The following TNNI3K variants were observed in gnomAD, a reference collection of about 807,000 sequenced individuals.
TNNI3K encodes the protein serine/threonine-protein kinase TNNI3K.
In TNNI3K, 140 loss-of-function variants were observed where a neutral mutation model predicts 114.5. The observed-to-expected ratio is 1.22, with a 90% CI of 1.07 to 1.41. The LOEUF is 1.41. Among genes scored for constraint, TNNI3K ranks in the 40% most tolerant of loss-of-function variants. TNNI3K has a pLI of 0.00. For missense variants in TNNI3K, 1,125 were observed against 1,007.6 expected (o/e 1.12, Z -1.58); for synonymous variants, 347 against 347.5 (o/e 1.00, Z 0.02).
intron 21 of TNNI3K, chr1:74,483,180 A>T: frequency 2.9e-6 from 2 of 687,334 alleles, no homozygotes; most frequent in Admixed American, 4.1e-5. Context: ...GAGCCCAGAG[A>T]ACAGTCAGTA....
intron 17 of TNNI3K, among the ~76,000 whole-genome samples, chr1:74,403,102 C>G (rs1249007928): frequency 1.3e-5 from 2 of 152,002 alleles, no homozygotes; most frequent in Non-Finnish European, 2.9e-5. Flanking sequence ...TGTGTTCTAT[C>G]TATGTGCTTC....
In TNNI3K at chr1:74,423,884, C is replaced by T. The variant is rs146473841; in HGVS notation, c.1773-12196C>T. Among the ~76,000 whole-genome samples, 653 of 152,126 alleles carry T rather than the reference C, an allele frequency of 4.3e-3. 7 individuals are homozygous for T. The highest frequency in any genetic ancestry group is 0.014 in the African/African-American group (595 of 41,520). On this transcript the variant is annotated intron_variant, in intron 17 of 24. Transcript: ENST00000326637. Reference sequence around the variant, plus strand: ...ACATATGTTGCTTACAACTATGCCCCGCACAGAGTAATACTTATCATTATA... The same window carrying T: ...ACATATGTTGCTTACAACTATGCCCTGCACAGAGTAATACTTATCATTATA...
At chr1:74,516,743 C>A (rs1646353713) in intron 23 of TNNI3K, among the ~76,000 whole-genome samples, 1 of 152,150 alleles carries the variant, frequency 6.6e-6, no homozygotes, top group South Asian at 2.1e-4. Flanking sequence ...AGCATTATTT[C>A]TCCAGTAGTA....
intron 5 of TNNI3K, among the ~76,000 whole-genome samples, chr1:74,314,139 T>C (rs1028154107): frequency 1.4e-5 from 2 of 147,690 alleles, no homozygotes; most frequent in Non-Finnish European, 3.0e-5. Context: ...AAAAGACTTA[T>C]TCACAGTATT....
At chr1:74,491,484 C>T (rs552545763) in intron 22 of TNNI3K, among the ~76,000 whole-genome samples, 2 of 152,088 alleles carry the variant, frequency 1.3e-5, no homozygotes, top group South Asian at 4.1e-4. Flanking sequence ...TCATGATCCG[C>T]TCACCTCAGG....
chr1:74,442,083 G>T (rs547865258), intron 20 of TNNI3K, among the ~76,000 whole-genome samples: 1 of 151,550 alleles, frequency 6.6e-6, no homozygotes, highest in Non-Finnish European at 1.5e-5. Flanking sequence ...TACAGGTTTA[G>T]GTTTTATATT....
intron 20 of TNNI3K, among the ~76,000 whole-genome samples, chr1:74,452,677 T>C (rs1000563758): frequency 6.6e-6 from 1 of 152,318 alleles, no homozygotes; most frequent in Admixed American, 6.5e-5. Context: ...AACATAGCAC[T>C]TCTTTGACTT....
chr1:74,415,795 G>C (rs1471922722), intron 17 of TNNI3K, among the ~76,000 whole-genome samples: 1 of 150,280 alleles, frequency 6.7e-6, no homozygotes, highest in Non-Finnish European at 1.5e-5. Context: ...TTTAGATTAT[G>C]GTCATCTTTA....
intron 3 of TNNI3K, 73 bp from the exon 4 acceptor site, chr1:74,250,599 A>G: frequency 7.1e-7 from 1 of 1,403,480 alleles, no homozygotes; most frequent in Non-Finnish European, 9.7e-7. Context: ...GGCATTTATC[A>G]TTAGGTCAAA....
At chr1:74,345,245 T>G (rs1222583087) in intron 9 of TNNI3K, among the ~76,000 whole-genome samples, 1 of 152,152 alleles carries the variant, frequency 6.6e-6, no homozygotes, top group South Asian at 2.1e-4. Flanking sequence ...GGTAGTTTTT[T>G]TATTCACTCA....
At chr1:74,355,320 T>C in intron 11 of TNNI3K, among the ~76,000 whole-genome samples, 1 of 152,108 alleles carries the variant, frequency 6.6e-6, no homozygotes, top group Non-Finnish European at 1.5e-5. Context: ...TAAAGTGGGA[T>C]ATGGGCCAGG....
chr1:74,278,166 G>A (rs1656795579), intron 5 of TNNI3K, among the ~76,000 whole-genome samples: 2 of 151,988 alleles, frequency 1.3e-5, no homozygotes, highest in African/African-American at 2.4e-5. Context: ...TTAGAGAGAG[G>A]GTAGTCATGA....
At chr1:74,295,606 T>C (rs1657931959) in intron 5 of TNNI3K, among the ~76,000 whole-genome samples, 1 of 152,156 alleles carries the variant, frequency 6.6e-6, no homozygotes, top group African/African-American at 2.4e-5. Flanking sequence ...AAATGTCCCT[T>C]TTCATCTTTA....
intron 22 of TNNI3K, among the ~76,000 whole-genome samples, chr1:74,490,672 A>T (rs1042759920): frequency 2.0e-5 from 3 of 152,194 alleles, no homozygotes; most frequent in African/African-American, 7.2e-5. Context: ...GTTTCATAAG[A>T]CCTTATCCTC....
At chr1:74,536,663 T>C (rs1646664048) in intron 23 of TNNI3K, among the ~76,000 whole-genome samples, 1 of 152,112 alleles carries the variant, frequency 6.6e-6, no homozygotes, top group Non-Finnish European at 1.5e-5. Context: ...TCATTTTACA[T>C]CCACAAAATT....
chr1:74,496,681 G>A (rs1043948797), intron 23 of TNNI3K, among the ~76,000 whole-genome samples: 4 of 152,006 alleles, frequency 2.6e-5, no homozygotes, highest in Non-Finnish European at 4.4e-5. Flanking sequence ...ACAGATAATA[G>A]GAATTCCCTA....
At chr1:74,264,633 G>T (rs1303861322) in intron 4 of TNNI3K, among the ~76,000 whole-genome samples, 1 of 151,922 alleles carries the variant, frequency 6.6e-6, no homozygotes, top group Non-Finnish European at 1.5e-5. Context: ...TCCAATCAAA[G>T]TTCAGCTCCT....
In TNNI3K at chr1:74,370,271, C is replaced by G; in HGVS notation, c.1668-17C>G. The G allele has an allele frequency of 6.4e-7, 1 of 1,569,490 alleles. No homozygotes were observed. The highest frequency in any genetic ancestry group is 1.4e-5 in the African/African-American group (1 of 73,412). On this transcript the variant is annotated splice_polypyrimidine_tract_variant and intron_variant, in intron 16 of 24. Transcript: ENST00000326637. ...TTTGACCATTTCATCTCTGTTAAAT[C>G]TATTTTTAAATTCTAGGATTCTTGA...
At chr1:74,406,464 G>A (rs925332054) in intron 17 of TNNI3K, among the ~76,000 whole-genome samples, 3 of 152,054 alleles carry the variant, frequency 2.0e-5, no homozygotes, top group Admixed American at 1.3e-4. Context: ...TTGCATGTGG[G>A]CCCCTGCATT....
Sources: allele counts gnomAD v4.1 joint callset (sites outside exome capture counted in the v4.1 genomes callset), GRCh38; gene constraint gnomAD v4.1.1; transcripts MANE v1.5; gene names NCBI Gene and HGNC (gene_info 2026-07-23, HGNC 2026-07-21).